Variants in PPRC1 observed in about 807,000 individuals in gnomAD.
PPRC1 encodes the protein peroxisome proliferator-activated receptor gamma coactivator-related protein 1.
Under a neutral mutation model 132.5 loss-of-function variants are expected in PPRC1, and 23 were observed. The observed-to-expected ratio is 0.17, with a 90% CI of 0.12 to 0.25. PPRC1 has a LOEUF of 0.25. Ranked by LOEUF, PPRC1 falls within the 10% of genes least tolerant of loss-of-function variation. PPRC1 has a pLI of 1.00. For synonymous variants in PPRC1, 872 were observed against 833.5 expected, an observed-to-expected ratio of 1.05 and a Z score of -0.80; for missense variants, 2,006 against 2,089.1, an observed-to-expected ratio of 0.96 and a Z score of 0.78.
rs2069349761 is a variant in PPRC1 at position 102,148,261 on chromosome 10, T to C, written c.4401-111T>C. 4 of 1,284,622 alleles carry C rather than the reference T, an allele frequency of 3.1e-6. No homozygotes were observed. The East Asian group carries it at 7.0e-5, about 22-fold the overall frequency. The allele number at this position is 1,284,622 out of a possible 1,614,324, so 79.6% of individuals were successfully genotyped here. A position where few individuals can be genotyped will look rare whatever the true frequency, so the allele number is the denominator to read the frequency against. Reference sequence around the variant, plus strand: ...CTTCTAGACCTCTTCTACTCTGCTTTGTCTTTGGTCCTGAGCTTCCTAAAA... The same window carrying C: ...CTTCTAGACCTCTTCTACTCTGCTTCGTCTTTGGTCCTGAGCTTCCTAAAA... On this transcript the variant is annotated intron_variant, in intron 9 of 13. Transcript: ENST00000278070. This position sits in a 1 kb window ranked among gnomAD's most constrained non-coding sequence, Gnocchi z 4.2.
the PPRC1 span, among the ~76,000 whole-genome samples, chr10:102,126,177 T>G: frequency 3.9e-5 from 6 of 152,142 alleles, no homozygotes; most frequent in East Asian, 9.7e-4. Flanking sequence ...TCACTCTGTC[T>G]TTCAAGGATG....
At position 102,141,569 on chromosome 10, in the gene PPRC1, A is replaced by G. The variant is rs150731815; in HGVS notation, c.3061A>G (p.Thr1021Ala). ...VPQPKMESRG[T>A]PAGPPENVLP... ...CCAACCTAAAATGGAGTCTAGGGGC[A>G]CTCCAGCTGGCCCTCCTGAAAATGT... Residue 1021 changes from threonine to alanine, a missense_variant, in exon 5 of 14, where the codon ACT (threonine) becomes GCT (alanine). This residue lies in a region of PPRC1 where 1,914 missense variants were observed against 1,917.2 expected (regional missense o/e 1.00). Coordinates refer to ENST00000278070, the MANE Select transcript of PPRC1 (RefSeq NM_015062.5). 1.2e-5 allele frequency: 19 copies of G among 1,613,678 alleles called. No individual in the cohort carries two copies. The highest frequency in any genetic ancestry group is 2.2e-5 in the East Asian group (1 of 44,870).
At chr10:102,139,011 C>G in intron 4 of PPRC1, 31 bp downstream of exon 4, 3 of 1,605,838 alleles carry the variant, frequency 1.9e-6, no homozygotes, top group Non-Finnish European at 2.6e-6. Context: ...TTCAGAAACT[C>G]CCAGGTGGGA....
Position 102,149,847 on chromosome 10 carries a change from G to A in PPRC1, c.4892-79G>A, listed in dbSNP as rs1590367008. 1.5e-5 allele frequency: 16 copies of A among 1,083,096 alleles called. No individual in the cohort carries two copies. The East Asian group carries it at 3.8e-4, about 26-fold the overall frequency. The allele number at this position is 1,083,096 out of a possible 1,614,324, so 67.1% of individuals were successfully genotyped here. A position where few individuals can be genotyped will look rare whatever the true frequency, so the allele number is the denominator to read the frequency against. On this transcript the variant is annotated intron_variant, in intron 13 of 13. Coordinates refer to ENST00000278070, the MANE Select transcript of PPRC1 (RefSeq NM_015062.5). ...TTTTCACTCCATCCGTTTTTGGGATGGGAGATAGCTAGCCATTTGCAGACC... is the reference window on the plus strand; with the variant it reads ...TTTTCACTCCATCCGTTTTTGGGATAGGAGATAGCTAGCCATTTGCAGACC...
the PPRC1 span, chr10:102,120,255 G>C: frequency 1.0e-6 from 1 of 983,292 alleles, no homozygotes; most frequent in Non-Finnish European, 1.2e-6. Context: ...GGTGCGGGCG[G>C]CCCCTGGCTG....
intron 1 of PPRC1, among the ~76,000 whole-genome samples, chr10:102,135,457 C>T (rs2068688397): frequency 6.6e-6 from 1 of 152,134 alleles, no homozygotes; most frequent in African/African-American, 2.4e-5. Context: ...TGGCTCACTG[C>T]AACCTCCATC....
At chr10:102,136,936 C>T (rs2068747539) in intron 1 of PPRC1, among the ~76,000 whole-genome samples, 1 of 152,220 alleles carries the variant, frequency 6.6e-6, no homozygotes, top group African/African-American at 2.4e-5. Context: ...GCCTTTCCAT[C>T]TAGGGAATCA....
Position 102,148,429 on chromosome 10 carries a change from A to C in PPRC1, c.4458A>C (p.Ser1486=). The change falls in exon 10 of 14, where the codon TCA becomes TCC. Residue 1486 remains serine, a synonymous_variant. Coordinates refer to ENST00000278070, the MANE Select transcript of PPRC1 (RefSeq NM_015062.5). The surrounding 1 kb of genome is among the most constrained non-coding windows in gnomAD (Gnocchi z 4.2). The part of the protein sequence containing the change: ...SRRCSSSSSS[S]SSSSSSSSSS... Reference sequence around the variant, plus strand: ...GATGCTCTTCCTCTTCTTCGTCATCATCTTCCTCTTCGTCTTCCTCATCCT... The same window carrying C: ...GATGCTCTTCCTCTTCTTCGTCATCCTCTTCCTCTTCGTCTTCCTCATCCT... 6.2e-7 allele frequency: 1 copy of C among 1,611,756 alleles called. No homozygotes were observed. Among genetic ancestry groups the C allele is most frequent in the Non-Finnish European group, 8.5e-7 (1 of 1,178,014 alleles).
Position 102,138,758 on chromosome 10 carries a change from G to A in PPRC1, c.482G>A (p.Gly161Asp). The A allele has an allele frequency of 1.9e-6, 3 of 1,614,174 alleles. No individual in the cohort carries two copies. Among genetic ancestry groups the A allele is most frequent in the Non-Finnish European group, 1.7e-6 (2 of 1,180,022 alleles). Residue 161 changes from glycine to aspartate, a missense_variant, in exon 3 of 14, where the codon GGC becomes GAC. Gly to Asp is a moderately conservative substitution (Grantham distance 94). This residue lies in a region of PPRC1 where 1,914 missense variants were observed against 1,917.2 expected (regional missense o/e 1.00). Transcript: ENST00000278070. The stretch of plus-strand genomic sequence containing the variant: ...GAGCTGCTTGTGTCACCCCGGGAGG[G>A]CTCCTCTGTGAGTGTGGGACCAGGG... ...DSELLVSPREGSSLHKLLTLS... is the reference protein window; with the variant it reads ...DSELLVSPREDSSLHKLLTLS...
rs984028653 is a variant in PPRC1 at position 102,133,088 on chromosome 10, G to T, written c.20G>T (p.Arg7Leu). MAARRG[R>L]RDGVAPPPSG... ...GCCAAGATGGCGGCGCGCCGGGGACGGAGAGACGGAGTCGCGCCGCCCCCG... is the reference window on the plus strand; with the variant it reads ...GCCAAGATGGCGGCGCGCCGGGGACTGAGAGACGGAGTCGCGCCGCCCCCG... The change falls in exon 1 of 14, where the codon CGG (arginine) becomes CTG (leucine). Residue 7 changes from arginine (R) to leucine (L), a missense_variant. Physicochemically the swap from Arg to Leu is moderately radical, Grantham distance 102. Around this residue, in one of 2 missense-constraint regions of PPRC1, gnomAD observed 1,914 missense variants for 1,917.2 expected, o/e 1.00. Transcript: ENST00000278070. The T allele has an allele frequency of 1.1e-5, 14 of 1,243,070 alleles. No individual in the cohort carries two copies. Among genetic ancestry groups the T allele is most frequent in the African/African-American group, 1.6e-5 (1 of 64,428 alleles). The allele number at this position is 1,243,070 out of a possible 1,614,324, so 77.0% of individuals were successfully genotyped here.
chr10:102,137,322 A>G (rs1292067391), intron 1 of PPRC1, among the ~76,000 whole-genome samples: 3 of 152,178 alleles, frequency 2.0e-5, no homozygotes, highest in Non-Finnish European at 2.9e-5. Context: ...TGTGATTACC[A>G]GAAAAGTTAA....
the PPRC1 span, among the ~76,000 whole-genome samples, chr10:102,120,609 C>CGGCG: frequency 1.1e-3 from 164 of 151,974 alleles, 3 homozygotes; most frequent in East Asian, 3.9e-4. Flanking sequence ...GTGCGCCGCG[C>CGGCG]GGCGGGCGGG....
At position 102,140,727 on chromosome 10, in the gene PPRC1, G is replaced by C; in HGVS notation, c.2219G>C (p.Ser740Thr). ...TCTCTGAAAATTGAAAGTGGTACCAGTGCTACAACCCATGAAGCCAGACCT... is the reference window on the plus strand; with the variant it reads ...TCTCTGAAAATTGAAAGTGGTACCACTGCTACAACCCATGAAGCCAGACCT... ...VDSLKIESGTSATTHEARPRP... is the reference protein window; with the variant it reads ...VDSLKIESGTTATTHEARPRP... The change falls in exon 5 of 14, where the codon AGT becomes ACT. Residue 740 changes from serine (S) to threonine (T), a missense_variant. Coordinates refer to ENST00000278070, the MANE Select transcript of PPRC1 (RefSeq NM_015062.5). 6.2e-7 allele frequency: 1 copy of C among 1,614,052 alleles called. No homozygotes were observed. Among genetic ancestry groups the C allele is most frequent in the Non-Finnish European group, 8.5e-7 (1 of 1,180,018 alleles).
upstream of PPRC1, among the ~76,000 whole-genome samples, chr10:102,129,746 A>G (rs904478944): frequency 2.6e-5 from 4 of 152,140 alleles, no homozygotes; most frequent in Non-Finnish European, 4.4e-5. Context: ...CTGGGATTAC[A>G]GGTAGGCGCC....
Position 102,140,371 on chromosome 10 carries a change from G to C in PPRC1, c.1863G>C (p.Leu621=). The C allele has an allele frequency of 6.2e-7, 1 of 1,614,166 alleles. No individual in the cohort carries two copies. The highest frequency in any genetic ancestry group is 8.5e-7 in the Non-Finnish European group (1 of 1,180,032). ...ACCTTGCTTCAACCAGCTCAGAACT[G>C]GTTGAGCCTCTCCCGGCTGAGCCAG... ...LVDLASTSSE[L]VEPLPAEPVL... Residue 621 remains leucine, a synonymous_variant, in exon 5 of 14, where the codon CTG becomes CTC. Coordinates refer to ENST00000278070, the MANE Select transcript of PPRC1 (RefSeq NM_015062.5).
rs771344219 is a variant in PPRC1, at chr10:102,143,118, T to G, written c.3550+20T>G. 1 of 1,607,558 alleles carries G rather than the reference T, an allele frequency of 6.2e-7. No homozygotes were observed. Among genetic ancestry groups the G allele is most frequent in the Non-Finnish European group, 8.5e-7 (1 of 1,174,196 alleles). On this transcript the variant is annotated intron_variant, in intron 6 of 13. Coordinates refer to ENST00000278070, the MANE Select transcript of PPRC1 (RefSeq NM_015062.5). ...CAGAAGGTGAGGGAACATGGGTAGT[T>G]TTGCTCCAACTCTTTTTTTGGTGAT...
chr10:102,132,077 A>G (rs569903869), upstream of PPRC1, among the ~76,000 whole-genome samples: 51 of 152,358 alleles, frequency 3.3e-4, no homozygotes, highest in South Asian at 0.01. Flanking sequence ...AAAAAAGCAA[A>G]TCACCAATTT....
rs1478018986 is a variant in PPRC1 at position 102,133,068 on chromosome 10, G to A, written c.-1G>A. The A allele has an allele frequency of 1.0e-5, 13 of 1,241,722 alleles. No individual in the cohort carries two copies. The highest frequency in any genetic ancestry group is 1.2e-5 in the Non-Finnish European group (12 of 987,964). 76.9% of individuals were successfully genotyped at this position (1,241,722 alleles called of 1,614,324 possible). ...GCAGCGCTGGGTGTTCAGGGGCCAA[G>A]ATGGCGGCGCGCCGGGGACGGAGAG... is the stretch of plus-strand genomic sequence containing the variant. On this transcript the variant is annotated 5_prime_UTR_variant, in exon 1 of 14. Coordinates refer to ENST00000278070, the MANE Select transcript of PPRC1 (RefSeq NM_015062.5).
At position 102,145,057 on chromosome 10, in the gene PPRC1, C is replaced by T. The variant is rs377255072; in HGVS notation, c.3646C>T (p.Arg1216Trp). ...TCCCCAGGAGAAGAGGCCCCTAGAC[C>T]GGTTACAAGCCCCAGAACTGGCCAA... ...DIPQEKRPLD[R>W]LQAPELANVA... is the part of the protein sequence containing the mutation. The change falls in exon 8 of 14, where the codon CGG (arginine) becomes TGG (tryptophan). Residue 1216 changes from arginine (R) to tryptophan (W), a missense_variant. Physicochemically the swap from Arg to Trp is moderately radical, Grantham distance 101. Around this residue, in one of 2 missense-constraint regions of PPRC1, gnomAD observed 1,914 missense variants for 1,917.2 expected, o/e 1.00. Coordinates refer to ENST00000278070, the MANE Select transcript of PPRC1 (RefSeq NM_015062.5). The T allele has an allele frequency of 3.1e-6, 5 of 1,613,820 alleles. No individual in the cohort carries two copies. Among genetic ancestry groups the T allele is most frequent in the Non-Finnish European group, 4.2e-6 (5 of 1,179,882 alleles).
Sources: allele counts gnomAD v4.1 joint callset (sites outside exome capture counted in the v4.1 genomes callset), GRCh38; gene constraint gnomAD v4.1.1; regional missense constraint gnomAD v4.1.1; non-coding constraint Gnocchi (gnomAD v3.1); transcripts MANE v1.5; gene names NCBI Gene and HGNC (gene_info 2026-07-23, HGNC 2026-07-21).